Variants in DIP2B observed in about 807,000 individuals in gnomAD.
DIP2B encodes disco-interacting protein 2 homolog B.
Under a neutral mutation model 198.0 loss-of-function variants are expected in DIP2B, and 76 were observed. The observed-to-expected ratio is 0.38, with a 90% CI of 0.32 to 0.46. The LOEUF is 0.46. Among genes scored for constraint, DIP2B ranks in the 20% least tolerant of loss-of-function variants. DIP2B has a pLI of 0.99. For missense variants in DIP2B, 1,559 were observed against 1,978.4 expected (o/e 0.79, Z 4.02); for synonymous variants, 701 against 739.1 (o/e 0.95, Z 0.84).
chr12:50,692,859 C>A (rs1158934613), intron 13 of DIP2B, 90 bp from the exon 14 acceptor site: 4 of 1,122,096 alleles, frequency 3.6e-6, no homozygotes, highest in African/African-American at 3.2e-5. Context: ...AAACAAACAT[C>A]AAATCAGTTG....
chr12:50,561,948 T>C (rs1194265346), intron 1 of DIP2B, among the ~76,000 whole-genome samples: 72 of 152,226 alleles, frequency 4.7e-4, no homozygotes, highest in Admixed American at 4.7e-3. Context: ...TCTGCTTCTC[T>C]TTGAAGGGTT....
At position 50,716,958 on chromosome 12, in the gene DIP2B, CTTTTTT is replaced by C. The variant is rs4026694; in HGVS notation, c.2852-1733_2852-1728del. ...CCTATCCTAGATTTACGAATTGTTG[CTTTTTT>C]TTTTTTTTTTTTTTTTTGAGACAGA... is the stretch of plus-strand genomic sequence containing the variant. On this transcript the variant is annotated intron_variant, in intron 23 of 37. Transcript: ENST00000301180. Among the ~76,000 whole-genome samples, 19 of 58,938 alleles carry C rather than the reference CTTTTTT, an allele frequency of 3.2e-4. 2 individuals carry two copies. In the South Asian group the frequency reaches 4.0e-3, roughly 12 times the overall value. 38.7% of individuals were successfully genotyped at this position (58,938 alleles called of 152,430 possible). A position where few individuals can be genotyped will look rare whatever the true frequency, so the allele number is the denominator to read the frequency against.
At chr12:50,671,093 G>A in intron 4 of DIP2B, 93 bp from the exon 5 acceptor site, 3 of 1,190,332 alleles carry the variant, frequency 2.5e-6, no homozygotes, top group South Asian at 2.8e-5. Context: ...TGTTTTGCTG[G>A]TGTCGAAACT....
At chr12:50,673,980 C>T (rs1214657082) in intron 5 of DIP2B, among the ~76,000 whole-genome samples, 2 of 152,102 alleles carry the variant, frequency 1.3e-5, no homozygotes, top group Admixed American at 1.3e-4. Flanking sequence ...GTTTTTTCAT[C>T]TGGAAACTTG....
chr12:50,592,114 AGTG>A (rs1958824751), intron 1 of DIP2B, among the ~76,000 whole-genome samples: 1 of 151,892 alleles, frequency 6.6e-6, no homozygotes, highest in Admixed American at 6.5e-5. Context: ...CCTGACCTCA[AGTG>A]ATGCATCTGC....
intron 12 of DIP2B, among the ~76,000 whole-genome samples, chr12:50,690,109 C>T (rs1038564483): frequency 3.4e-5 from 5 of 146,840 alleles, no homozygotes; most frequent in African/African-American, 5.1e-5. Flanking sequence ...TTTTTTGAGA[C>T]GGAGTCTCGC....
rs2139363072 is a variant in DIP2B, at chr12:50,530,621, G to A, written c.100+25381G>A. On this transcript the variant is annotated intron_variant, in intron 1 of 37. Coordinates refer to ENST00000301180, the MANE Select transcript of DIP2B (RefSeq NM_173602.3). The stretch of plus-strand genomic sequence containing the variant: ...AGACAGGGCAGGAAGACTTACAGGA[G>A]GCTACTGAAATGAGCTGTCTCTGCA... 1.3e-5 allele frequency among the ~76,000 whole-genome samples: 2 copies of A among 152,292 alleles called. 1 individual carries two copies. The highest frequency in any genetic ancestry group is 4.1e-4 in the South Asian group (2 of 4,826).
chr12:50,719,607 C>T (rs1001154792), intron 25 of DIP2B, among the ~76,000 whole-genome samples: 2 of 151,990 alleles, frequency 1.3e-5, no homozygotes, highest in Non-Finnish European at 2.9e-5. Context: ...TTTGGGAGGC[C>T]AAGGCGGGTG....
Position 50,697,141 on chromosome 12 carries a change from A to G in DIP2B, c.2014A>G (p.Thr672Ala), listed in dbSNP as rs1939326428. The change falls in exon 17 of 38, where the codon ACG becomes GCG. Residue 672 changes from threonine (T) to alanine (A), a missense_variant. Transcript: ENST00000301180. ...GCCTGAGGCCATCTGTCCGTGCGCC[A>G]CGTCTGCTGAAGCCATGACTGTAGC... ...LKPEAICPCA[T>A]SAEAMTVAIR... The G allele has an allele frequency of 6.2e-7, 1 of 1,614,016 alleles. No homozygotes were observed. Among genetic ancestry groups the G allele is most frequent in the Non-Finnish European group, 8.5e-7 (1 of 1,179,952 alleles).
At chr12:50,646,420 C>CTAT (rs1370513022) in intron 3 of DIP2B, among the ~76,000 whole-genome samples, 40 of 141,372 alleles carry the variant, frequency 2.8e-4, no homozygotes, top group African/African-American at 8.7e-4. Flanking sequence ...TGCGCTTTGT[C>CTAT]TATTATTATT....
chr12:50,579,164 T>C (rs4768897), intron 1 of DIP2B, among the ~76,000 whole-genome samples: 8,593 of 152,142 alleles, frequency 0.056, 816 homozygotes, highest in African/African-American at 0.2. Flanking sequence ...AAAGAATAAA[T>C]GAGAGATAAA....
chr12:50,727,071 T>A (rs1939950508), intron 28 of DIP2B, among the ~76,000 whole-genome samples: 1 of 152,060 alleles, frequency 6.6e-6, no homozygotes, highest in Non-Finnish European at 1.5e-5. Context: ...TGACCCGAGA[T>A]CGAGCCACTG....
At position 50,510,664 on chromosome 12, in the gene DIP2B, A is replaced by ATTT. The variant is rs1175970945; in HGVS notation, c.100+5424_100+5425insTTT. ...AAGTACCACCTTTTTTTTTTTTTTGAGACGGAGTTTCACTCTTGTTGCCCA... is the reference window on the plus strand; with the variant it reads ...AAGTACCACCTTTTTTTTTTTTTTGATTTGACGGAGTTTCACTCTTGTTGCCCA... On this transcript the variant is annotated intron_variant, in intron 1 of 37. Transcript: ENST00000301180. Among the ~76,000 whole-genome samples, 639 of 134,312 alleles carry ATTT rather than the reference A, an allele frequency of 4.8e-3. 19 individuals are homozygous for ATTT. In the East Asian group the frequency reaches 0.066, roughly 14 times the overall value. 88.1% of individuals were successfully genotyped at this position (134,312 alleles called of 152,430 possible).
chr12:50,647,084 G>A (rs1593684010), intron 3 of DIP2B, among the ~76,000 whole-genome samples: 2 of 151,336 alleles, frequency 1.3e-5, no homozygotes, highest in South Asian at 2.1e-4. Context: ...CTGTGGTCCC[G>A]CTCTGTTGTC....
At chr12:50,591,622 T>G (rs1958819415) in intron 1 of DIP2B, among the ~76,000 whole-genome samples, 1 of 151,520 alleles carries the variant, frequency 6.6e-6, no homozygotes, top group Non-Finnish European at 1.5e-5. Flanking sequence ...CTTTCTTTCT[T>G]TCTTTCTTTT....
At chr12:50,711,203 T>C (rs1939608270) in intron 22 of DIP2B, among the ~76,000 whole-genome samples, 1 of 152,192 alleles carries the variant, frequency 6.6e-6, no homozygotes, top group East Asian at 1.9e-4. Flanking sequence ...CTTTGTAACT[T>C]ACCAGCTCGG....
Position 50,723,184 on chromosome 12 carries a change from G to A in DIP2B, c.3167-18G>A, listed in dbSNP as rs1939873076. 4.3e-6 allele frequency: 7 copies of A among 1,613,780 alleles called. No homozygotes were observed. Among genetic ancestry groups the A allele is most frequent in the Non-Finnish European group, 5.9e-6 (7 of 1,179,968 alleles). On this transcript the variant is annotated intron_variant, in intron 26 of 37. Coordinates refer to ENST00000301180, the MANE Select transcript of DIP2B (RefSeq NM_173602.3). ...AGGCAGTTCAGTGACTCTCCTGACAGGGTCCTTTGTCTTGCAGGCATTGAG... is the reference window on the plus strand; with the variant it reads ...AGGCAGTTCAGTGACTCTCCTGACAAGGTCCTTTGTCTTGCAGGCATTGAG...
chr12:50,566,054 T>A (rs1958560715), intron 1 of DIP2B, among the ~76,000 whole-genome samples: 1 of 152,186 alleles, frequency 6.6e-6, no homozygotes, highest in Non-Finnish European at 1.5e-5. Flanking sequence ...TTCTTTTCTT[T>A]TTTTCTGAGA....
chr12:50,706,761 C>G (rs1341736206), intron 21 of DIP2B, 96 bp downstream of exon 21: 1 of 1,416,088 alleles, frequency 7.1e-7, no homozygotes, highest in African/African-American at 1.4e-5. Context: ...GTTCTCTTTC[C>G]AAGTGATCAG....
Sources: allele counts gnomAD v4.1 joint callset (sites outside exome capture counted in the v4.1 genomes callset), GRCh38; gene constraint gnomAD v4.1.1; transcripts MANE v1.5; gene names NCBI Gene and HGNC (gene_info 2026-07-23, HGNC 2026-07-21).